MAGI2: variants seen among roughly 807,000 people sequenced by gnomAD.
MAGI2 encodes membrane associated guanylate kinase, WW and PDZ domain containing 2, also known as membrane-associated guanylate kinase, WW and PDZ domain-containing protein 2.
MAGI2 carries 35 observed loss-of-function variants against 133.3 expected under a neutral mutation model. The observed-to-expected ratio is 0.26, with a 90% CI of 0.20 to 0.35. The LOEUF (loss-of-function observed/expected upper bound fraction) is 0.35. Among genes scored for constraint, MAGI2 ranks in the 10% least tolerant of loss-of-function variants. MAGI2 has a pLI of 1.00. For missense variants in MAGI2, 1,636 were observed against 1,863.4 expected, an observed-to-expected ratio of 0.88 and a Z score of 2.25; for synonymous variants, 729 against 710.6, an observed-to-expected ratio of 1.03 and a Z score of -0.41.
chr7:78,474,904 A>G (rs1211487635), intron 6 of MAGI2, among the ~76,000 whole-genome samples: 1 of 151,834 alleles, frequency 6.6e-6, no homozygotes, highest in East Asian at 1.9e-4. Context: ...TGTTTTTGCT[A>G]AAAACTCACT....
intron 2 of MAGI2, among the ~76,000 whole-genome samples, chr7:78,665,636 A>G (rs1813476281): frequency 6.6e-6 from 1 of 152,170 alleles, no homozygotes; most frequent in Admixed American, 6.6e-5. Flanking sequence ...GGTTCTTAAA[A>G]ACAAGAGTGA....
chr7:79,325,530 G>C (rs1487085309), intron 1 of MAGI2, among the ~76,000 whole-genome samples: 3 of 152,140 alleles, frequency 2.0e-5, no homozygotes, highest in African/African-American at 7.2e-5. Flanking sequence ...AAGCATGAGA[G>C]ATAGGTATAA....
chr7:78,458,899 G>A (rs1037939099), intron 6 of MAGI2, among the ~76,000 whole-genome samples: 3 of 152,198 alleles, frequency 2.0e-5, no homozygotes, highest in Non-Finnish European at 4.4e-5. Context: ...TTCCCAAAGT[G>A]TTGGGATTAC....
intron 1 of MAGI2, among the ~76,000 whole-genome samples, chr7:79,035,751 A>C (rs574752480): frequency 2.6e-5 from 4 of 152,272 alleles, no homozygotes; most frequent in African/African-American, 9.6e-5. Flanking sequence ...AATAATATAG[A>C]ATTTCTGATT....
intron 2 of MAGI2, among the ~76,000 whole-genome samples, chr7:78,674,673 A>G (rs925537945): frequency 1.1e-4 from 17 of 152,158 alleles, no homozygotes; most frequent in African/African-American, 4.1e-4. Context: ...GGACTAATCA[A>G]ATTATTGTAC....
chr7:78,803,602 G>T (rs1054535091), intron 2 of MAGI2, among the ~76,000 whole-genome samples: 2 of 152,008 alleles, frequency 1.3e-5, no homozygotes, highest in Non-Finnish European at 1.5e-5. Flanking sequence ...CTGAACCAAG[G>T]ATTATTTAAA....
At chr7:78,436,504 C>T (rs527581382) in intron 6 of MAGI2, among the ~76,000 whole-genome samples, 2 of 152,306 alleles carry the variant, frequency 1.3e-5, no homozygotes, top group East Asian at 3.9e-4. Flanking sequence ...AGGCTCCTCA[C>T]CTGGGAACTC....
At chr7:78,194,736 A>T in intron 12 of MAGI2, 138 bp downstream of exon 12, 1 of 589,998 alleles carries the variant, frequency 1.7e-6, no homozygotes, top group Non-Finnish European at 2.6e-6. Context: ...AGATAATTTT[A>T]GACCAGCTGG....
chr7:78,917,700 G>A (rs149415065), intron 2 of MAGI2, among the ~76,000 whole-genome samples: 1 of 152,258 alleles, frequency 6.6e-6, no homozygotes, highest in East Asian at 1.9e-4. Context: ...CCAATTGCAA[G>A]TCATGGGCCA....
intron 6 of MAGI2, among the ~76,000 whole-genome samples, chr7:78,373,494 A>G (rs1294155002): frequency 7.2e-5 from 11 of 152,152 alleles, no homozygotes; most frequent in Non-Finnish European, 1.5e-4. Flanking sequence ...GTAATTTTTT[A>G]GAAGTCTAAA....
chr7:78,188,160 G>T (rs1827870304), intron 12 of MAGI2, among the ~76,000 whole-genome samples: 1 of 152,022 alleles, frequency 6.6e-6, no homozygotes, highest in Admixed American at 6.6e-5. Context: ...TCATACCATG[G>T]TAATTTCCTG....
chr7:78,478,448 A>G (rs1191210317), intron 6 of MAGI2, among the ~76,000 whole-genome samples: 1 of 151,854 alleles, frequency 6.6e-6, no homozygotes, highest in Non-Finnish European at 1.5e-5. Context: ...ATTAGATCAG[A>G]CCCCTAAATC....
rs934349779 is a variant in MAGI2 at position 78,153,321 on chromosome 7, C to T, written c.2845+6704G>A. On this transcript the variant is annotated intron_variant, in intron 16 of 21. Coordinates refer to ENST00000354212, the MANE Select transcript of MAGI2 (RefSeq NM_012301.4). ...GTAAACATGATGCCACTGAAAGGGG[C>T]GTGCCTTAAATGTTACATGTGTGCC... 3.9e-5 allele frequency among the ~76,000 whole-genome samples: 6 copies of T among 152,234 alleles called. No homozygotes were observed. In the East Asian group the frequency reaches 7.7e-4, roughly 20 times the overall value.
At chr7:78,545,176 T>C (rs1798722399) in intron 3 of MAGI2, among the ~76,000 whole-genome samples, 2 of 150,528 alleles carry the variant, frequency 1.3e-5, no homozygotes, top group Admixed American at 6.7e-5. Context: ...TTATACTAAA[T>C]TGAGTCATGC....
chr7:79,260,272 C>A (rs1563055562), intron 1 of MAGI2, among the ~76,000 whole-genome samples: 1 of 152,062 alleles, frequency 6.6e-6, no homozygotes. Context: ...GGGAGGATGA[C>A]TTGAGCCCGT....
intron 9 of MAGI2, among the ~76,000 whole-genome samples, chr7:78,311,311 T>C (rs1222665372): frequency 6.6e-6 from 1 of 152,174 alleles, no homozygotes; most frequent in African/African-American, 2.4e-5. Flanking sequence ...AGTTGAGCAA[T>C]GCCATAGAAC....
In MAGI2 at chr7:78,113,860, AC is replaced by A. The variant is rs1819601124; in HGVS notation, c.3567+11833del. On this transcript the variant is annotated intron_variant, in intron 20 of 21. Transcript: ENST00000354212. ...TCAGAAATATTGAACTAGGCACTTT[AC>A]CCTTCCTGGAAATATTATTCCCATT... Among the ~76,000 whole-genome samples, 2 of 152,198 alleles carry A rather than the reference AC, an allele frequency of 1.3e-5. 1 individual carries two copies. The highest frequency in any genetic ancestry group is 4.1e-4 in the South Asian group (2 of 4,824).
intron 10 of MAGI2, among the ~76,000 whole-genome samples, chr7:78,209,285 G>T (rs1365823828): frequency 7.6e-6 from 1 of 132,208 alleles, no homozygotes; most frequent in Non-Finnish European, 1.6e-5. Context: ...TTTTTGAGAC[G>T]GAGTCTCGCT....
rs1322018912 is a variant in MAGI2 at position 78,974,813 on chromosome 7, T to C, written c.418+32277A>G. Among the ~76,000 whole-genome samples, 4 of 151,766 alleles carry C rather than the reference T, an allele frequency of 2.6e-5. No individual in the cohort carries two copies. In the East Asian group the frequency reaches 7.8e-4, roughly 30 times the overall value. On this transcript the variant is annotated intron_variant, in intron 2 of 21. Transcript: ENST00000354212. ...GTATGGCTTAAAAATATAAATCAAG[T>C]AAGAACATCATCCACCTAACCAAAA...
Sources: allele counts gnomAD v4.1 joint callset (sites outside exome capture counted in the v4.1 genomes callset), GRCh38; gene constraint gnomAD v4.1.1; transcripts MANE v1.5; gene names NCBI Gene and HGNC (gene_info 2026-07-23, HGNC 2026-07-21).